LINGO2: variants seen among roughly 807,000 people sequenced by gnomAD.
LINGO2 encodes leucine-rich repeat and immunoglobulin-like domain-containing nogo receptor-interacting protein 2.
Under a neutral mutation model 30.6 loss-of-function variants are expected in LINGO2, and 14 were observed. The observed-to-expected ratio is 0.46, with a 90% CI of 0.30 to 0.72. The LOEUF (loss-of-function observed/expected upper bound fraction) is 0.72. LINGO2 is among the 30% of genes least tolerant of loss of function. The pLI is 0.07. For missense variants in LINGO2, 729 were observed against 751.7 expected (o/e 0.97, Z 0.35); for synonymous variants, 317 against 288.5 (o/e 1.10, Z -1.00).
At chr9:28,016,614 C>T (rs567065488) in intron 4 of LINGO2, among the ~76,000 whole-genome samples, 83 of 151,162 alleles carry the variant, frequency 5.5e-4, no homozygotes, top group African/African-American at 1.9e-3. Context: ...AAATATACAA[C>T]CTCCCAAGAC....
rs1408644202 is a variant in LINGO2 at position 28,129,930 on chromosome 9, C to T, written c.-86-117525G>A. ...AAATAACTAAGATCCGTGTTTTGAGCCAGAACATGTGAATCTTTGTGGTAT... is the reference window on the plus strand; with the variant it reads ...AAATAACTAAGATCCGTGTTTTGAGTCAGAACATGTGAATCTTTGTGGTAT... On this transcript the variant is annotated intron_variant, in intron 4 of 5. Coordinates refer to ENST00000379992, the Ensembl canonical transcript of LINGO2. The surrounding 1 kb of genome is among the most constrained non-coding windows in gnomAD (Gnocchi z 4.0). Among the ~76,000 whole-genome samples, 1 of 152,162 alleles carries T rather than the reference C, an allele frequency of 6.6e-6. No homozygotes were observed. Among genetic ancestry groups the T allele is most frequent in the Non-Finnish European group, 1.5e-5 (1 of 68,028 alleles).
At chr9:28,440,008 C>T (rs935747252) in intron 2 of LINGO2, among the ~76,000 whole-genome samples, 3 of 152,106 alleles carry the variant, frequency 2.0e-5, no homozygotes, top group African/African-American at 7.2e-5. Flanking sequence ...TGCTGTTAGA[C>T]TCTGAAATTT....
chr9:29,148,465 G>A, the LINGO2 span, among the ~76,000 whole-genome samples: 1 of 152,078 alleles, frequency 6.6e-6, no homozygotes, highest in Non-Finnish European at 1.5e-5. Context: ...TACACTTTTG[G>A]TGTCTATGAT....
chr9:28,090,281 T>C (rs1191460350), intron 4 of LINGO2, among the ~76,000 whole-genome samples: 1 of 152,130 alleles, frequency 6.6e-6, no homozygotes, highest in Non-Finnish European at 1.5e-5. Flanking sequence ...TTCAGACCAA[T>C]ATCCTTGATG....
chr9:28,704,620 T>C, the LINGO2 span, among the ~76,000 whole-genome samples: 4 of 152,048 alleles, frequency 2.6e-5, no homozygotes, highest in Middle Eastern at 3.2e-3. Flanking sequence ...TTCAGTCCTT[T>C]CAGTTTTGGA....
chr9:29,011,183 A>T, the LINGO2 span, among the ~76,000 whole-genome samples: 1 of 152,208 alleles, frequency 6.6e-6, no homozygotes, highest in Non-Finnish European at 1.5e-5. Context: ...CTGTACATAT[A>T]TAAAAATTAA....
At chr9:28,319,968 T>C (rs1384214285) in intron 3 of LINGO2, among the ~76,000 whole-genome samples, 1 of 152,170 alleles carries the variant, frequency 6.6e-6, no homozygotes, top group African/African-American at 2.4e-5. Flanking sequence ...CTTAAAGTAC[T>C]AGAATTAGTA....
At chr9:29,167,233 G>A in the LINGO2 span, among the ~76,000 whole-genome samples, 1 of 151,970 alleles carries the variant, frequency 6.6e-6, no homozygotes, top group Non-Finnish European at 1.5e-5. Flanking sequence ...AGAATGCTTT[G>A]AATAAAATCA....
In LINGO2 at chr9:28,148,097, C is replaced by T. The variant is rs1470801667; in HGVS notation, c.-86-135692G>A. 1.8e-6 allele frequency: 2 copies of T among 1,116,734 alleles called. No individual in the cohort carries two copies. The highest frequency in any genetic ancestry group is 5.3e-5 in the East Asian group (1 of 18,916). 69.2% of individuals were successfully genotyped at this position (1,116,734 alleles called of 1,614,324 possible). On this transcript the variant is annotated intron_variant, in intron 4 of 5. Coordinates refer to ENST00000379992, the Ensembl canonical transcript of LINGO2. This position sits in a 1 kb window ranked among gnomAD's most constrained non-coding sequence, Gnocchi z 5.1. ...GGCCTTCCCAGCTGGCCGGGCTAAC[C>T]CCGCGGCTCCTGCACCTGTGCCTGC...
chr9:28,502,468 C>A (rs542161864), intron 1 of LINGO2, among the ~76,000 whole-genome samples: 1 of 152,066 alleles, frequency 6.6e-6, no homozygotes, highest in Non-Finnish European at 1.5e-5. Context: ...AAGGTTCACT[C>A]GTACATTTCT....
At chr9:28,947,064 C>G in the LINGO2 span, among the ~76,000 whole-genome samples, 6 of 152,162 alleles carry the variant, frequency 3.9e-5, no homozygotes, top group East Asian at 9.7e-4. Context: ...AACCAGAAAT[C>G]TGAAATTTCC....
the LINGO2 span, among the ~76,000 whole-genome samples, chr9:28,846,059 A>G: frequency 6.6e-6 from 1 of 151,636 alleles, no homozygotes; most frequent in East Asian, 1.9e-4. Context: ...AATAATGACA[A>G]AACACTGGAT....
intron 4 of LINGO2, among the ~76,000 whole-genome samples, chr9:28,110,150 T>C (rs1826730914): frequency 6.6e-6 from 1 of 152,154 alleles, no homozygotes; most frequent in East Asian, 1.9e-4. Flanking sequence ...GGGGAAAAAT[T>C]TCCCTATTTA....
intron 5 of LINGO2, among the ~76,000 whole-genome samples, chr9:27,953,638 C>T (rs1364106614): frequency 6.6e-6 from 1 of 152,104 alleles, no homozygotes; most frequent in Non-Finnish European, 1.5e-5. Flanking sequence ...TTTGTTCATT[C>T]TTTTCCTTCC....
At chr9:29,092,402 T>C in the LINGO2 span, among the ~76,000 whole-genome samples, 9 of 151,970 alleles carry the variant, frequency 5.9e-5, no homozygotes, top group African/African-American at 2.2e-4. Flanking sequence ...CAGGTACTCA[T>C]AAAAAGGTTG....
intron 4 of LINGO2, among the ~76,000 whole-genome samples, chr9:28,258,593 A>T (rs1822459545): frequency 6.6e-6 from 1 of 151,988 alleles, no homozygotes; most frequent in African/African-American, 2.4e-5. Flanking sequence ...TCATTAAAAA[A>T]TACCTTTTAA....
rs867885195 is a variant in LINGO2, at chr9:28,556,221, C to T, written c.-364-80196G>A. Among the ~76,000 whole-genome samples, 943 of 151,970 alleles carry T rather than the reference C, an allele frequency of 6.2e-3. 3 individuals carry two copies. Among genetic ancestry groups the T allele is most frequent in the Admixed American group, 0.013 (192 of 15,252 alleles). The stretch of plus-strand genomic sequence containing the variant: ...AAGTCAAATTGTCCCTGTTTGCAGA[C>T]GACATGATTGTATATCTAGAAAACC... On this transcript the variant is annotated intron_variant, in intron 1 of 5. Coordinates refer to ENST00000379992, the Ensembl canonical transcript of LINGO2.
the LINGO2 span, among the ~76,000 whole-genome samples, chr9:28,773,798 G>T: frequency 6.6e-6 from 1 of 152,010 alleles, no homozygotes; most frequent in African/African-American, 2.4e-5. Context: ...AAAATATGAA[G>T]AATTAAATAA....
At chr9:28,268,697 G>T (rs76057985) in intron 4 of LINGO2, among the ~76,000 whole-genome samples, 3 of 151,912 alleles carry the variant, frequency 2.0e-5, no homozygotes, top group Non-Finnish European at 4.4e-5. Context: ...TTTACCAAAA[G>T]AATTAAAAGT....
Sources: gnomAD v4.1 joint callset for allele counts (sites outside exome capture counted in the v4.1 genomes callset) on GRCh38, gnomAD v4.1.1 for gene constraint, Gnocchi (gnomAD v3.1) non-coding constraint, MANE v1.5 for transcripts, NCBI Gene and HGNC (gene_info 2026-07-23, HGNC 2026-07-21) for gene names.